The following NTM variants were observed in gnomAD, a reference collection of about 807,000 sequenced individuals.
NTM encodes neurotrimin, also known as IgLON family member 2.
NTM carries 13 observed loss-of-function variants against 42.1 expected under a neutral mutation model. That is an observed-to-expected ratio of 0.31 (90% CI 0.20 to 0.49). The LOEUF is 0.49. Among genes scored for constraint, NTM ranks in the 20% least tolerant of loss-of-function variants. The pLI is 0.99. For missense variants in NTM, 373 were observed against 452.8 expected, an observed-to-expected ratio of 0.82 and a Z score of 1.60; for synonymous variants, 187 against 179.2, an observed-to-expected ratio of 1.04 and a Z score of -0.35.
At chr11:131,913,633 C>G (rs1221151136) in intron 2 of NTM, among the ~76,000 whole-genome samples, 1 of 152,216 alleles carries the variant, frequency 6.6e-6, no homozygotes, top group Non-Finnish European at 1.5e-5. Flanking sequence ...GTCCCCCTCT[C>G]TCTTTCAGCA....
chr11:131,939,253 A>G (rs1194577039), intron 2 of NTM, among the ~76,000 whole-genome samples: 1 of 152,154 alleles, frequency 6.6e-6, no homozygotes, highest in East Asian at 1.9e-4. Flanking sequence ...TTTGAGACCA[A>G]AAAATACAAG....
intron 4 of NTM, among the ~76,000 whole-genome samples, chr11:132,261,945 A>T (rs1048037584): frequency 6.6e-6 from 1 of 152,222 alleles, no homozygotes; most frequent in African/African-American, 2.4e-5. Flanking sequence ...GGCTTGCCCC[A>T]TGGGCATCCA....
chr11:131,469,937 A>C (rs1045776994), intron 1 of NTM, among the ~76,000 whole-genome samples: 3 of 152,220 alleles, frequency 2.0e-5, no homozygotes, highest in Non-Finnish European at 4.4e-5. Context: ...TTTGGTTTGG[A>C]AATCCTATGA....
intron 3 of NTM, among the ~76,000 whole-genome samples, chr11:132,153,513 C>G (rs1240806382): frequency 2.6e-5 from 4 of 152,160 alleles, no homozygotes; most frequent in East Asian, 1.9e-4. Context: ...GAAGGTCACC[C>G]ATACAGAGTG....
chr11:132,160,793 C>A (rs75744471), intron 3 of NTM, among the ~76,000 whole-genome samples: 1 of 151,988 alleles, frequency 6.6e-6, no homozygotes, highest in Admixed American at 6.6e-5. Flanking sequence ...ACCTTCTGGA[C>A]AAAAAATGAC....
At chr11:131,737,542 C>T (rs2080631247) in intron 1 of NTM, among the ~76,000 whole-genome samples, 2 of 152,114 alleles carry the variant, frequency 1.3e-5, no homozygotes, top group South Asian at 4.1e-4. Flanking sequence ...TTCATTTGCC[C>T]TCCAGAACTC....
At chr11:131,864,772 G>A (rs4937664) in intron 1 of NTM, among the ~76,000 whole-genome samples, 1 of 152,140 alleles carries the variant, frequency 6.6e-6, no homozygotes, top group Non-Finnish European at 1.5e-5. Flanking sequence ...CAACTGGTGA[G>A]AGGGAGCTTG....
intron 1 of NTM, among the ~76,000 whole-genome samples, chr11:131,737,098 T>A (rs1332586186): frequency 6.6e-6 from 1 of 152,126 alleles, no homozygotes; most frequent in Non-Finnish European, 1.5e-5. Flanking sequence ...AGGCTAATGG[T>A]GTCAAGGGCA....
At chr11:131,588,301 G>C (rs1439601270) in intron 1 of NTM, among the ~76,000 whole-genome samples, 2 of 152,230 alleles carry the variant, frequency 1.3e-5, no homozygotes, top group African/African-American at 4.8e-5. Flanking sequence ...AGCAACCCAA[G>C]AGACAGTGAG....
intron 4 of NTM, among the ~76,000 whole-genome samples, chr11:132,220,125 G>A (rs1387757174): frequency 1.3e-5 from 2 of 152,162 alleles, no homozygotes; most frequent in African/African-American, 4.8e-5. Context: ...AATGGAAAGT[G>A]GCCAGCTTCC....
At chr11:131,865,666 CTA>C (rs2047057941) in intron 1 of NTM, among the ~76,000 whole-genome samples, 1 of 151,886 alleles carries the variant, frequency 6.6e-6, no homozygotes, top group Admixed American at 6.6e-5. Flanking sequence ...CAGGTACACA[CTA>C]CACACACACT....
chr11:131,675,428 T>C (rs2071207434), intron 1 of NTM, among the ~76,000 whole-genome samples: 1 of 152,226 alleles, frequency 6.6e-6, no homozygotes, highest in Admixed American at 6.5e-5. Context: ...AATGCATTGT[T>C]ATAACTTTTT....
At chr11:132,116,129 C>T (rs1269942441) in intron 2 of NTM, among the ~76,000 whole-genome samples, 1 of 152,178 alleles carries the variant, frequency 6.6e-6, no homozygotes, top group East Asian at 1.9e-4. Flanking sequence ...GACTTGGTTG[C>T]ACATGTGATG....
intron 1 of NTM, among the ~76,000 whole-genome samples, chr11:131,494,983 T>C (rs1181795955): frequency 6.6e-6 from 1 of 152,236 alleles, no homozygotes; most frequent in African/African-American, 2.4e-5. Flanking sequence ...CATCCTTAAT[T>C]GCATAATTCA....
At chr11:131,573,253 G>C (rs910603420) in intron 1 of NTM, among the ~76,000 whole-genome samples, 10 of 152,152 alleles carry the variant, frequency 6.6e-5, no homozygotes, top group African/African-American at 2.4e-4. Flanking sequence ...GGGAAGACTG[G>C]GGTTTACATT....
At chr11:131,680,718 CAT>C (rs1565415133) in intron 1 of NTM, among the ~76,000 whole-genome samples, 1 of 2,402 alleles carries the variant, frequency 4.2e-4, no homozygotes, top group African/African-American at 1.5e-3. Flanking sequence ...TGTGTGTGTG[CAT>C]ATGTTTGCAT....
chr11:132,316,868 G>A (rs2095442321), intron 7 of NTM, among the ~76,000 whole-genome samples: 1 of 152,158 alleles, frequency 6.6e-6, no homozygotes, highest in South Asian at 2.1e-4. Flanking sequence ...GTTTGTTAGG[G>A]AATTTTCCAT....
At chr11:131,638,481 G>T (rs561809899) in intron 1 of NTM, among the ~76,000 whole-genome samples, 1 of 147,628 alleles carries the variant, frequency 6.8e-6, no homozygotes, top group African/African-American at 2.5e-5. Context: ...CAGCAGAATC[G>T]CCTGAACCCA....
intron 1 of NTM, among the ~76,000 whole-genome samples, chr11:131,895,772 T>C (rs376608120): frequency 6.6e-6 from 1 of 152,310 alleles, no homozygotes; most frequent in East Asian, 1.9e-4. Flanking sequence ...GAAGCATTGG[T>C]TAAACTAATG....
Sources: gnomAD v4.1 joint callset for allele counts (sites outside exome capture counted in the v4.1 genomes callset) on GRCh38, gnomAD v4.1.1 for gene constraint, MANE v1.5 for transcripts, NCBI Gene and HGNC (gene_info 2026-07-23, HGNC 2026-07-21) for gene names.